Variants in ITPRIP observed in about 807,000 individuals in gnomAD.
The protein encoded by ITPRIP is inositol 1,4,5-trisphosphate receptor-interacting protein.
Under a neutral mutation model 35.8 loss-of-function variants are expected in ITPRIP, and 32 were observed. The ratio of observed to expected loss-of-function variants is 0.89; its 90% CI spans 0.68 to 1.20. The LOEUF (loss-of-function observed/expected upper bound fraction) is 1.20. Among genes scored for constraint, ITPRIP ranks in the 50% most tolerant of loss-of-function variants. The probability of loss-of-function intolerance (pLI) is 0.00; values close to 1 mark genes in which losing one functional copy is unlikely to be tolerated. For synonymous variants in ITPRIP, 358 were observed against 324.0 expected, an observed-to-expected ratio of 1.11 and a Z score of -1.13; for missense variants, 653 against 735.6, an observed-to-expected ratio of 0.89 and a Z score of 1.30.
intron 1 of ITPRIP, among the ~76,000 whole-genome samples, chr10:104,320,328 C>T (rs1435362030): frequency 1.3e-5 from 2 of 152,134 alleles, no homozygotes; most frequent in African/African-American, 2.4e-5. Context: ...GAACCATGGT[C>T]TCCATACCCC....
chr10:104,335,743 C>G (rs1446520805), intron 1 of ITPRIP, among the ~76,000 whole-genome samples: 1 of 152,190 alleles, frequency 6.6e-6, no homozygotes, highest in Non-Finnish European at 1.5e-5. Flanking sequence ...CCCAATTAAA[C>G]TAGCTTTTTA....
chr10:104,323,290 G>A (rs2013902739), intron 1 of ITPRIP: 1 of 152,226 alleles, frequency 6.6e-6, no homozygotes, highest in African/African-American at 2.4e-5. Context: ...CATATGTTTT[G>A]TCATTTAATT....
At chr10:104,337,975 C>G (rs569364759) in intron 1 of ITPRIP, among the ~76,000 whole-genome samples, 76 of 152,318 alleles carry the variant, frequency 5.0e-4, no homozygotes, top group African/African-American at 1.7e-3. Flanking sequence ...TGCCCGCAGC[C>G]CTGGCTGGAG....
chr10:104,325,423 C>G (rs1057364491), intron 1 of ITPRIP, among the ~76,000 whole-genome samples: 8 of 152,176 alleles, frequency 5.3e-5, no homozygotes, highest in African/African-American at 1.9e-4. Flanking sequence ...CCTTTCTCCC[C>G]AAACCTAGGC....
intron 1 of ITPRIP, among the ~76,000 whole-genome samples, chr10:104,319,446 C>A (rs2013788314): frequency 6.6e-6 from 1 of 152,202 alleles, no homozygotes; most frequent in East Asian, 1.9e-4. Flanking sequence ...CCTTGGCACA[C>A]CCCTGAGTCC....
chr10:104,315,854 C>T lies in ITPRIP; in HGVS notation c.198G>A (p.Lys66=), dbSNP rs1379236026. The T allele has an allele frequency of 6.8e-6, 11 of 1,613,238 alleles. No homozygotes were observed. The highest frequency in any genetic ancestry group is 9.3e-6 in the Non-Finnish European group (11 of 1,179,462). Residue 66 remains lysine, a synonymous_variant, in exon 2 of 2, where the codon AAG becomes AAA. Transcript: ENST00000337478. The surrounding 1 kb of genome is among the most constrained non-coding windows in gnomAD (Gnocchi z 5.7). Reference sequence around the variant, plus strand: ...CCTCCGCCACCTGCTCCAGTGCCTCCTTTTCGGCCGCCAGCCGAGCCACCT... The same window carrying T: ...CCTCCGCCACCTGCTCCAGTGCCTCTTTTTCGGCCGCCAGCCGAGCCACCT... ...EEEVARLAAE[K]EALEQVAEEG... is the part of the protein sequence containing the mutation.
Position 104,314,623 on chromosome 10 carries a change from A to G in ITPRIP, c.1429T>C (p.Phe477Leu). ...KSLLQKKLHH[F>L]FIGNRKVPEA... ...GGCACCTTGCGGTTGCCGATGAAGA[A>G]GTGGTGGAGCTTCTTCTGGAGCAAG... is the stretch of plus-strand genomic sequence containing the variant. Residue 477 changes from phenylalanine (F) to leucine (L), a missense_variant, in exon 2 of 2, where the codon TTC becomes CTC. Phe to Leu is a conservative substitution (Grantham distance 22). Transcript: ENST00000337478. 1 of 1,614,148 alleles carries G rather than the reference A, an allele frequency of 6.2e-7. No homozygotes were observed. The highest frequency in any genetic ancestry group is 8.5e-7 in the Non-Finnish European group (1 of 1,180,016).
At chr10:104,321,934 T>C (rs1268572813) in intron 1 of ITPRIP, among the ~76,000 whole-genome samples, 5 of 152,114 alleles carry the variant, frequency 3.3e-5, no homozygotes, top group Admixed American at 6.5e-5. Flanking sequence ...AGGAACATGA[T>C]GGATGCTTCA....
intron 1 of ITPRIP, among the ~76,000 whole-genome samples, chr10:104,321,745 T>C (rs1384435305): frequency 6.9e-6 from 1 of 145,420 alleles, no homozygotes; most frequent in Non-Finnish European, 1.5e-5. Flanking sequence ...TTCTAAGAGG[T>C]GGGTGCCATC....
chr10:104,322,532 A>C (rs565425420), intron 1 of ITPRIP, among the ~76,000 whole-genome samples: 1 of 152,356 alleles, frequency 6.6e-6, no homozygotes, highest in East Asian at 1.9e-4. Context: ...GTGTCTCAAC[A>C]AGCCCTCTAG....
In ITPRIP at chr10:104,314,790, C is replaced by G; in HGVS notation, c.1262G>C (p.Arg421Pro). The change falls in exon 2 of 2, where the codon CGC becomes CCC. Residue 421 changes from arginine to proline, a missense_variant. Transcript: ENST00000337478. Reference protein sequence around the residue: ...IASFLLSKQSRLTGPSGLSSY... With the variant: ...IASFLLSKQSPLTGPSGLSSY... ...GCTGAGCCCGCTGGGACCGGTCAGG[C>G]GGCTCTGCTTGGAGAGCAGGAAGGA... 5 of 1,613,894 alleles carry G rather than the reference C, an allele frequency of 3.1e-6. No individual in the cohort carries two copies. The highest frequency in any genetic ancestry group is 4.2e-6 in the Non-Finnish European group (5 of 1,180,016).
At chr10:104,322,416 C>T (rs966688489) in intron 1 of ITPRIP, among the ~76,000 whole-genome samples, 11 of 152,230 alleles carry the variant, frequency 7.2e-5, no homozygotes, top group African/African-American at 2.4e-4. Context: ...TGGTTCTCAA[C>T]GTGCTTAGCA....
intron 1 of ITPRIP, among the ~76,000 whole-genome samples, chr10:104,319,249 T>C (rs2013779115): frequency 6.6e-6 from 1 of 151,782 alleles, no homozygotes. Flanking sequence ...GACGGGTGAG[T>C]GAGATCATAC....
At chr10:104,335,162 T>C (rs1338996540) in intron 1 of ITPRIP, among the ~76,000 whole-genome samples, 7 of 152,294 alleles carry the variant, frequency 4.6e-5, no homozygotes, top group African/African-American at 1.7e-4. Context: ...AAGCCTATTT[T>C]GTTTAAAGTG....
In ITPRIP at chr10:104,314,436, G is replaced by C. The variant is rs752022744; in HGVS notation, c.1616C>G (p.Pro539Arg). The change falls in exon 2 of 2, where the codon CCC becomes CGC. Residue 539 changes from proline to arginine, a missense_variant. Coordinates refer to ENST00000337478, the MANE Select transcript of ITPRIP (RefSeq NM_001272013.2). Reference protein sequence around the residue: ...ALISEYSLHVPSDQPTPKS With the variant: ...ALISEYSLHVRSDQPTPKS ...GCTTTTTGGGGTAGGCTGGTCTGAG[G>C]GGACATGTAGGGAATACTCGCTAAT... The C allele has an allele frequency of 2.5e-6, 4 of 1,612,594 alleles. No individual in the cohort carries two copies. In the Admixed American group the frequency reaches 5.0e-5, roughly 20 times the overall value.
At chr10:104,327,851 C>T (rs1398507799) in intron 1 of ITPRIP, among the ~76,000 whole-genome samples, 1 of 152,228 alleles carries the variant, frequency 6.6e-6, no homozygotes, top group African/African-American at 2.4e-5. Flanking sequence ...GGGCAATGTG[C>T]TCAAGGTCAC....
chr10:104,314,669 C>T lies in ITPRIP; in HGVS notation c.1383G>A (p.Leu461=). The part of the protein sequence containing the change: ...AGQLDARLHE[L]LCFLEKSLLQ... ...GCAAGCTCTTCTCCAGGAAGCACAG[C>T]AACTCGTGCAGACGAGCGTCCAGCT... is the stretch of plus-strand genomic sequence containing the variant. Residue 461 remains leucine (L), a synonymous_variant, in exon 2 of 2, where the codon TTG becomes TTA. Transcript: ENST00000337478. 5 of 1,613,962 alleles carry T rather than the reference C, an allele frequency of 3.1e-6. No homozygotes were observed. The highest frequency in any genetic ancestry group is 4.2e-6 in the Non-Finnish European group (5 of 1,179,964).
Position 104,312,720 on chromosome 10 carries a change from G to C in ITPRIP, c.*1688C>G. ...CAGGAATTAACCCTGGTGGGCAAAG[G>C]GTCCATCTTCTCAAGCTTTCTGAGG... On this transcript the variant is annotated 3_prime_UTR_variant, in exon 2 of 2. Coordinates refer to ENST00000337478, the MANE Select transcript of ITPRIP (RefSeq NM_001272013.2). 1 of 985,338 alleles carries C rather than the reference G, an allele frequency of 1.0e-6. No homozygotes were observed. Among genetic ancestry groups the C allele is most frequent in the African/African-American group, 1.7e-5 (1 of 57,328 alleles). 61.0% of individuals were successfully genotyped at this position (985,338 alleles called of 1,614,324 possible). A position where few individuals can be genotyped will look rare whatever the true frequency, so the allele number is the denominator to read the frequency against.
At chr10:104,336,342 T>C (rs985361321) in intron 1 of ITPRIP, among the ~76,000 whole-genome samples, 2 of 151,992 alleles carry the variant, frequency 1.3e-5, no homozygotes, top group African/African-American at 4.8e-5. Flanking sequence ...CCCAGAACAC[T>C]TGGAGCACCC....
Sources: allele counts gnomAD v4.1 joint callset (sites outside exome capture counted in the v4.1 genomes callset), GRCh38; gene constraint gnomAD v4.1.1; non-coding constraint Gnocchi (gnomAD v3.1); transcripts MANE v1.5; gene names NCBI Gene and HGNC (gene_info 2026-07-23, HGNC 2026-07-21).